The following EXD3 variants were observed in gnomAD, a reference collection of about 807,000 sequenced individuals.
EXD3 encodes exonuclease mut-7 homolog.
EXD3 carries 92 observed loss-of-function variants against 98.0 expected under a neutral mutation model. That is an observed-to-expected ratio of 0.94 (90% confidence interval 0.79 to 1.12). EXD3 has a LOEUF of 1.12. Among genes scored for constraint, EXD3 ranks in the 50% most tolerant of loss-of-function variants. EXD3 has a pLI of 0.00. For synonymous variants in EXD3, 569 were observed against 526.0 expected, an observed-to-expected ratio of 1.08 and a Z score of -1.12; for missense variants, 1,222 against 1,191.6, an observed-to-expected ratio of 1.03 and a Z score of -0.38.
At chr9:137,329,934 A>G (rs1832897648) in intron 17 of EXD3, among the ~76,000 whole-genome samples, 2 of 104,528 alleles carry the variant, frequency 1.9e-5, no homozygotes, top group South Asian at 3.2e-4. Flanking sequence ...ACAGGACTAC[A>G]CAGGACTATG....
chr9:137,367,012 C>T (rs1271826746), intron 6 of EXD3, among the ~76,000 whole-genome samples: 1 of 152,248 alleles, frequency 6.6e-6, no homozygotes, highest in Non-Finnish European at 1.5e-5. Context: ...CTGCAAGACC[C>T]ACACGCTGTC....
At chr9:137,348,420 T>C (rs1834050209) in intron 16 of EXD3, among the ~76,000 whole-genome samples, 182 bp from the exon 17 acceptor site, 4 of 127,862 alleles carry the variant, frequency 3.1e-5, no homozygotes, top group Non-Finnish European at 4.9e-5. Context: ...AAACCACCCC[T>C]GGGGGGCTCT....
intron 1 of EXD3, among the ~76,000 whole-genome samples, chr9:137,406,596 C>G (rs1296822124): frequency 6.6e-6 from 1 of 152,230 alleles, no homozygotes. Flanking sequence ...CAACGCACCC[C>G]TCGACCCCCA....
rs1347392706 is a variant in EXD3, at chr9:137,359,462, G to A, written c.657-3094C>T. Among the ~76,000 whole-genome samples the A allele has an allele frequency of 3.7e-5, 3 of 81,780 alleles. 1 individual carries two copies. Among genetic ancestry groups the A allele is most frequent in the Non-Finnish European group, 6.0e-5 (2 of 33,456 alleles). 53.7% of individuals were successfully genotyped at this position (81,780 alleles called of 152,430 possible). A position where few individuals can be genotyped will look rare whatever the true frequency, so the allele number is the denominator to read the frequency against. The stretch of plus-strand genomic sequence containing the variant: ...CTGAGGCAGGAGGATCGCTCGAGCC[G>A]AGGAGGTTGAGTCTGCAGTGAGCTG... On this transcript the variant is annotated intron_variant, in intron 7 of 21. Transcript: ENST00000340951.
At chr9:137,396,536 G>A (rs1303796081) in intron 1 of EXD3, among the ~76,000 whole-genome samples, 1 of 152,150 alleles carries the variant, frequency 6.6e-6, no homozygotes, top group East Asian at 1.9e-4. Flanking sequence ...TCAGCCACAC[G>A]CGGCACAGTC....
intron 17 of EXD3, among the ~76,000 whole-genome samples, chr9:137,340,891 G>A (rs1833616600): frequency 6.6e-6 from 1 of 152,132 alleles, no homozygotes; most frequent in Non-Finnish European, 1.5e-5. Context: ...ACACTGAATT[G>A]GTGAGTTGTT....
chr9:137,380,086 C>T (rs527639688), intron 3 of EXD3, among the ~76,000 whole-genome samples: 1 of 152,062 alleles, frequency 6.6e-6, no homozygotes, highest in South Asian at 2.1e-4. Flanking sequence ...CGTGCCAAGA[C>T]CCTTGGGACC....
intron 18 of EXD3, 44 bp from the exon 19 acceptor site, chr9:137,323,900 A>C (rs1178491225): frequency 6.4e-7 from 1 of 1,568,926 alleles, no homozygotes; most frequent in East Asian, 2.4e-5. Flanking sequence ...TGCAGAGCCC[A>C]GCACCTGCCC....
Position 137,352,804 on chromosome 9 carries a change from G to A in EXD3, c.871-18C>T, listed in dbSNP as rs747096767. On this transcript the variant is annotated intron_variant, in intron 10 of 21. Coordinates refer to ENST00000340951, the MANE Select transcript of EXD3 (RefSeq NM_017820.5). ...ACCAGGCCCTGTGAGGAGGGTGGCC[G>A]TGAGGATGGAGATGGGGACATTGCT... 25 of 1,575,860 alleles carry A rather than the reference G, an allele frequency of 1.6e-5. No individual in the cohort carries two copies. Among genetic ancestry groups the A allele is most frequent in the East Asian group, 2.3e-5 (1 of 43,104 alleles).
chr9:137,358,384 C>T (rs984365062), intron 7 of EXD3, among the ~76,000 whole-genome samples: 1 of 152,222 alleles, frequency 6.6e-6, no homozygotes, highest in African/African-American at 2.4e-5. Flanking sequence ...GTGGCCAGAA[C>T]ACCGTGCCGC....
At chr9:137,411,318 C>T (rs1054250479) in intron 1 of EXD3, among the ~76,000 whole-genome samples, 1 of 152,162 alleles carries the variant, frequency 6.6e-6, no homozygotes, top group Non-Finnish European at 1.5e-5. Flanking sequence ...ACAGCTGCCC[C>T]CGAGCCCTGG....
At chr9:137,386,813 C>T (rs1836616974) in intron 2 of EXD3, among the ~76,000 whole-genome samples, 1 of 146,314 alleles carries the variant, frequency 6.8e-6, no homozygotes, top group Non-Finnish European at 1.5e-5. Context: ...TGCCTGGCCC[C>T]CTCAGCACAC....
At chr9:137,312,111 C>T (rs111802073) in intron 19 of EXD3, among the ~76,000 whole-genome samples, 22 of 152,292 alleles carry the variant, frequency 1.4e-4, no homozygotes, top group Middle Eastern at 3.4e-3. Context: ...GCACAGACAC[C>T]CACTCCAGGG....
At chr9:137,354,017 T>A in intron 10 of EXD3, 1 of 1,161,308 alleles carries the variant, frequency 8.6e-7, no homozygotes. Flanking sequence ...CCCAGGCGCC[T>A]TGCACCTCTC....
At chr9:137,400,783 C>T (rs1837445731) in intron 1 of EXD3, among the ~76,000 whole-genome samples, 1 of 151,744 alleles carries the variant, frequency 6.6e-6, no homozygotes, top group Non-Finnish European at 1.5e-5. Context: ...AAAAAAGTTC[C>T]AAATGGGAGA....
At chr9:137,340,262 G>A (rs1204338139) in intron 17 of EXD3, among the ~76,000 whole-genome samples, 4 of 152,160 alleles carry the variant, frequency 2.6e-5, no homozygotes, top group African/African-American at 9.7e-5. Flanking sequence ...CGGATCATGA[G>A]GTCAAGGAGT....
intron 19 of EXD3, among the ~76,000 whole-genome samples, chr9:137,313,492 C>T (rs1831471575): frequency 6.6e-6 from 1 of 152,130 alleles, no homozygotes; most frequent in Non-Finnish European, 1.5e-5. Context: ...CTAGACATGA[C>T]CCCCTGAGAA....
chr9:137,408,384 T>C (rs1162142384), intron 1 of EXD3, among the ~76,000 whole-genome samples: 2 of 151,682 alleles, frequency 1.3e-5, no homozygotes, highest in Non-Finnish European at 2.9e-5. Flanking sequence ...CCGTCTCTAC[T>C]AAAAATATAA....
chr9:137,345,525 A>G (rs1474428589), intron 17 of EXD3, among the ~76,000 whole-genome samples: 3 of 151,996 alleles, frequency 2.0e-5, no homozygotes, highest in Admixed American at 6.6e-5. Flanking sequence ...AGTTGGGTGT[A>G]GTGGCGAGCA....
Sources: gnomAD v4.1 joint callset for allele counts (sites outside exome capture counted in the v4.1 genomes callset) on GRCh38, gnomAD v4.1.1 for gene constraint, MANE v1.5 for transcripts, NCBI Gene and HGNC (gene_info 2026-07-23, HGNC 2026-07-21) for gene names.